The following PXN variants were observed in gnomAD, a reference collection of about 807,000 sequenced individuals.
PXN encodes paxillin, also known as testicular tissue protein Li 134.
PXN carries 61 observed loss-of-function variants against 103.6 expected under a neutral mutation model. That is an observed-to-expected ratio of 0.59 (90% CI 0.48 to 0.73). The LOEUF (loss-of-function observed/expected upper bound fraction) is 0.73, where lower values mean the gene tolerates loss of function less well. PXN is among the 30% of genes least tolerant of loss of function. PXN has a pLI of 0.00. For synonymous variants in PXN, 562 were observed against 607.8 expected, an observed-to-expected ratio of 0.92 and a Z score of 1.11; for missense variants, 1,274 against 1,460.3, an observed-to-expected ratio of 0.87 and a Z score of 2.08.
intron 1 of PXN, among the ~76,000 whole-genome samples, chr12:120,231,526 G>C (rs1184803784): frequency 6.6e-6 from 1 of 152,182 alleles, no homozygotes; most frequent in African/African-American, 2.4e-5. Flanking sequence ...GGAAGCCAGG[G>C]GAGAAGGCCC....
In PXN at chr12:120,212,669, C is replaced by T. The variant is rs544599946; in HGVS notation, c.2980-89G>A. Reference sequence around the variant, plus strand: ...GGGGCCGAGGTGGGCATAGTCGGCACGCTCGGAGTGACTCCTACTTGCTAG... The same window carrying T: ...GGGGCCGAGGTGGGCATAGTCGGCATGCTCGGAGTGACTCCTACTTGCTAG... On this transcript the variant is annotated intron_variant, in intron 14 of 14. Transcript: ENST00000637617. This position sits in a 1 kb window ranked among gnomAD's most constrained non-coding sequence, Gnocchi z 7.2. The T allele has an allele frequency of 1.5e-5, 22 of 1,478,590 alleles. No homozygotes were observed. Among genetic ancestry groups the T allele is most frequent in the South Asian group, 1.4e-4 (11 of 79,146 alleles). The allele number at this position is 1,478,590 out of a possible 1,614,324, so 91.6% of individuals were successfully genotyped here.
intron 1 of PXN, among the ~76,000 whole-genome samples, chr12:120,230,977 C>T (rs201736461): frequency 2.6e-5 from 4 of 152,156 alleles, no homozygotes; most frequent in Non-Finnish European, 4.4e-5. Context: ...CGGTCTTGTT[C>T]GATGCCATAT....
rs1389111993 is a variant in PXN at position 120,220,955 on chromosome 12, A to T, written c.831+668T>A. 6.6e-6 allele frequency among the ~76,000 whole-genome samples: 1 copy of T among 152,144 alleles called. No homozygotes were observed. The highest frequency in any genetic ancestry group is 1.5e-5 in the Non-Finnish European group (1 of 68,008). The stretch of plus-strand genomic sequence containing the variant: ...GTTCTGTCAATATCAATCCCCAAGG[A>T]AACACTGAATCCTCTAAATTAAACA... On this transcript the variant is annotated intron_variant, in intron 6 of 14. Coordinates refer to ENST00000637617, the MANE Select transcript of PXN (RefSeq NM_001385981.1). The surrounding 1 kb of genome is among the most constrained non-coding windows in gnomAD (Gnocchi z 6.1).
Position 120,214,780 on chromosome 12 carries a change from G to A in PXN, c.2748+45C>T. On this transcript the variant is annotated intron_variant, in intron 12 of 14. Transcript: ENST00000637617. The surrounding 1 kb of genome is among the most constrained non-coding windows in gnomAD (Gnocchi z 5.0). Reference sequence around the variant, plus strand: ...TGCATCCTCAGAGGGCTGCGGTGAAGCTGGAATGAGCGGAAGCGGGCGCGG... The same window carrying A: ...TGCATCCTCAGAGGGCTGCGGTGAAACTGGAATGAGCGGAAGCGGGCGCGG... 6.2e-7 allele frequency: 1 copy of A among 1,607,426 alleles called. No homozygotes were observed. Among genetic ancestry groups the A allele is most frequent in the Non-Finnish European group, 8.5e-7 (1 of 1,175,436 alleles).
At chr12:120,231,723 C>T (rs1888088389) in intron 1 of PXN, among the ~76,000 whole-genome samples, 1 of 152,180 alleles carries the variant, frequency 6.6e-6, no homozygotes, top group Non-Finnish European at 1.5e-5. Flanking sequence ...CTGGCTTGTG[C>T]CCAAGGTCAC....
chr12:120,219,119 G>A lies in PXN; in HGVS notation c.1716+88C>T. On this transcript the variant is annotated intron_variant, in intron 7 of 14. Coordinates refer to ENST00000637617, the MANE Select transcript of PXN (RefSeq NM_001385981.1). This position sits in a 1 kb window ranked among gnomAD's most constrained non-coding sequence, Gnocchi z 6.5. ...TTCTGCCCAAGCAGACATGCGCAGA[G>A]TGGGAGGCTGCATGCAGTTAGCGAG... The A allele has an allele frequency of 7.5e-7, 1 of 1,326,478 alleles. No homozygotes were observed. Among genetic ancestry groups the A allele is most frequent in the Non-Finnish European group, 1.0e-6 (1 of 997,372 alleles). 82.2% of individuals were successfully genotyped at this position (1,326,478 alleles called of 1,614,324 possible).
In PXN at chr12:120,234,717, G is replaced by A. The variant is rs146692571; in HGVS notation, c.14-10340C>T. Reference sequence around the variant, plus strand: ...AGTGACTAGATAATTCTGGGCTTTAGTTTACTCAGGCACCTCATAGCGCAC... The same window carrying A: ...AGTGACTAGATAATTCTGGGCTTTAATTTACTCAGGCACCTCATAGCGCAC... On this transcript the variant is annotated intron_variant, in intron 1 of 14. Coordinates refer to ENST00000637617, the MANE Select transcript of PXN (RefSeq NM_001385981.1). Among the ~76,000 whole-genome samples, 97 of 152,282 alleles carry A rather than the reference G, an allele frequency of 6.4e-4. 1 individual carries two copies. In the East Asian group the frequency reaches 0.015, roughly 24 times the overall value.
In PXN at chr12:120,222,844, C is replaced by T. The variant is rs771112430; in HGVS notation, c.493+19G>A. The T allele has an allele frequency of 2.5e-6, 4 of 1,612,296 alleles. No homozygotes were observed. The highest frequency in any genetic ancestry group is 3.4e-6 in the Non-Finnish European group (4 of 1,179,170). ...GGCCCTGGGCCCTGGTAGACCCTGC[C>T]CCAGGGACCCGGTCCTACCTGCAGG... On this transcript the variant is annotated intron_variant, in intron 4 of 14. Transcript: ENST00000637617. This position sits in a 1 kb window ranked among gnomAD's most constrained non-coding sequence, Gnocchi z 4.7.
At chr12:120,227,628 G>A (rs1887158332) in intron 1 of PXN, among the ~76,000 whole-genome samples, 1 of 152,170 alleles carries the variant, frequency 6.6e-6, no homozygotes, top group Admixed American at 6.5e-5. Context: ...ACCAGCCACA[G>A]GGTCTCTGGT....
At chr12:120,223,309 C>T (rs1885791287) in intron 3 of PXN, among the ~76,000 whole-genome samples, 1 of 152,186 alleles carries the variant, frequency 6.6e-6, no homozygotes, top group Admixed American at 6.5e-5. Context: ...TGGTGGGTGC[C>T]TGTAGTCCCA....
At chr12:120,251,539 C>T (rs1892180452) in intron 1 of PXN, among the ~76,000 whole-genome samples, 1 of 151,620 alleles carries the variant, frequency 6.6e-6, no homozygotes, top group African/African-American at 2.4e-5. Flanking sequence ...AACAAACAGG[C>T]CGCTGCGGTG....
In PXN at chr12:120,225,203, A is replaced by AT. The variant is rs145593953; in HGVS notation, c.14-827dup. On this transcript the variant is annotated intron_variant, in intron 1 of 14. Transcript: ENST00000637617. This position sits in a 1 kb window ranked among gnomAD's most constrained non-coding sequence, Gnocchi z 4.4. ...TCCCCAGTCTCCAGAAAAGAAGGGT[A>AT]TAGAAGGGCAGGAGTAGGACCTGCT... is the stretch of plus-strand genomic sequence containing the variant. 3,791 of 174,630 alleles carry AT rather than the reference A, an allele frequency of 0.022. 144 individuals carry two copies. The highest frequency in any genetic ancestry group is 0.083 in the African/African-American group (3,496 of 42,100). 10.8% of individuals were successfully genotyped at this position (174,630 alleles called of 1,614,324 possible). A position where few individuals can be genotyped will look rare whatever the true frequency, so the allele number is the denominator to read the frequency against.
Position 120,212,470 on chromosome 12 carries a change from C to T in PXN, c.3090G>A (p.Lys1030=), listed in dbSNP as rs373037203. Residue 1030 remains lysine, a synonymous_variant, in exon 15 of 15, where the codon AAG becomes AAA. Transcript: ENST00000637617. The surrounding 1 kb of genome is among the most constrained non-coding windows in gnomAD (Gnocchi z 7.2). ...CGGTGATGCAGCGGCCGGTGATGGG[C>T]TTCTGGCAGCCAGAACACAGCGAGC... ...RRGSLCSGCQ[K]PITGRCITAM... 4.3e-6 allele frequency: 7 copies of T among 1,613,996 alleles called. No homozygotes were observed. Among genetic ancestry groups the T allele is most frequent in the Non-Finnish European group, 5.9e-6 (7 of 1,179,896 alleles).
rs1470209010 is a variant in PXN, at chr12:120,221,085, C to CA, written c.831+537dup. 4.6e-5 allele frequency among the ~76,000 whole-genome samples: 7 copies of CA among 152,260 alleles called. No individual in the cohort carries two copies. In the East Asian group the frequency reaches 1.4e-3, roughly 29 times the overall value. On this transcript the variant is annotated intron_variant, in intron 6 of 14. Coordinates refer to ENST00000637617, the MANE Select transcript of PXN (RefSeq NM_001385981.1). The surrounding 1 kb of genome is among the most constrained non-coding windows in gnomAD (Gnocchi z 6.6). ...TCCCACAGACACGCTCGTGGGAACT[C>CA]AGAGGCCCTGGAGGGCGAGAGGGAA... is the stretch of plus-strand genomic sequence containing the variant.
At chr12:120,262,633 C>G (rs750962163) in intron 1 of PXN, among the ~76,000 whole-genome samples, 1 of 152,124 alleles carries the variant, frequency 6.6e-6, no homozygotes, top group African/African-American at 2.4e-5. Flanking sequence ...TCCCATGAAG[C>G]GCACATGATC....
chr12:120,262,379 T>C (rs147592932), intron 1 of PXN, among the ~76,000 whole-genome samples: 1 of 152,248 alleles, frequency 6.6e-6, no homozygotes, highest in African/African-American at 2.4e-5. Flanking sequence ...CAGAGATTGT[T>C]AAAGGTAACT....
chr12:120,219,968 G>C lies in PXN; in HGVS notation c.955C>G (p.Pro319Ala). The C allele has an allele frequency of 6.3e-7, 1 of 1,594,790 alleles. No homozygotes were observed. ...PSVFLPPTTIPSPRGQGHTPE... is the reference protein window; with the variant it reads ...PSVFLPPTTIASPRGQGHTPE... Reference sequence around the variant, plus strand: ...GTGTGGCCCTGGCCTCGAGGGGAGGGTATAGTGGTGGGTGGCAGAAATACA... The same window carrying C: ...GTGTGGCCCTGGCCTCGAGGGGAGGCTATAGTGGTGGGTGGCAGAAATACA... Residue 319 changes from proline (P) to alanine (A), a missense_variant, in exon 7 of 15, where the codon CCC becomes GCC. Around this residue, in one of 2 missense-constraint regions of PXN, gnomAD observed 1,178 missense variants for 1,309.0 expected, o/e 0.90. Coordinates refer to ENST00000637617, the MANE Select transcript of PXN (RefSeq NM_001385981.1). The surrounding 1 kb of genome is among the most constrained non-coding windows in gnomAD (Gnocchi z 6.5).
chr12:120,243,219 G>A (rs1319266975), intron 1 of PXN, among the ~76,000 whole-genome samples: 1 of 152,120 alleles, frequency 6.6e-6, no homozygotes, highest in Non-Finnish European at 1.5e-5. Flanking sequence ...ACTCATAATA[G>A]CTTAGTTTAT....
chr12:120,236,433 G>T (rs990033751), intron 1 of PXN, among the ~76,000 whole-genome samples: 4 of 151,158 alleles, frequency 2.6e-5, no homozygotes, highest in African/African-American at 9.7e-5. Flanking sequence ...TCAGCCTCAT[G>T]AATAGCTGGA....
Sources: gnomAD v4.1 joint callset for allele counts (sites outside exome capture counted in the v4.1 genomes callset) on GRCh38, gnomAD v4.1.1 for gene constraint, gnomAD v4.1.1 regional missense constraint, Gnocchi (gnomAD v3.1) non-coding constraint, MANE v1.5 for transcripts, NCBI Gene and HGNC (gene_info 2026-07-23, HGNC 2026-07-21) for gene names.